Variants in BPTF observed in about 807,000 individuals in gnomAD.
BPTF encodes the protein nucleosome-remodeling factor subunit BPTF.
A neutral mutation model predicts 292.5 loss-of-function variants in BPTF; 18 were observed. The ratio of observed to expected loss-of-function variants is 0.06; its 90% CI spans 0.04 to 0.09. The LOEUF is 0.09. BPTF is among the 10% of genes least tolerant of loss of function. The pLI, the probability that BPTF is intolerant of heterozygous loss-of-function variation, is 1.00. For synonymous variants in BPTF, 1,225 were observed against 1,251.9 expected (o/e 0.98, Z 0.45); for missense variants, 2,726 against 3,498.7 (o/e 0.78, Z 5.57).
Position 67,875,058 on chromosome 17 carries a change from A to G in BPTF, c.1864+38A>G, listed in dbSNP as rs746355413. On this transcript the variant is annotated intron_variant, in intron 4 of 27. Transcript: ENST00000306378. ...CTTGATTAAAAAGAAATATTTCATT[A>G]GTGTTATTTATGAAATCTCCAGTTT... 2.6e-6 allele frequency: 4 copies of G among 1,535,104 alleles called. No homozygotes were observed. In the South Asian group the frequency reaches 4.7e-5, roughly 18 times the overall value.
At chr17:67,932,769 G>A (rs954215608) in intron 18 of BPTF, among the ~76,000 whole-genome samples, 27 of 151,642 alleles carry the variant, frequency 1.8e-4, no homozygotes, top group Admixed American at 1.8e-3. Flanking sequence ...GAGAAATTTA[G>A]CTAAAATCAA....
At chr17:67,860,980 G>A (rs2059042207) in intron 2 of BPTF, among the ~76,000 whole-genome samples, 2 of 152,064 alleles carry the variant, frequency 1.3e-5, no homozygotes, top group African/African-American at 4.8e-5. Flanking sequence ...CTGACTTCCC[G>A]TGCCTGAATT....
chr17:67,891,793 T>C (rs1439266144), intron 4 of BPTF, 51 bp from the exon 5 acceptor site: 1 of 1,406,656 alleles, frequency 7.1e-7, no homozygotes. Flanking sequence ...AAGGTGGTTA[T>C]AATTATTTAC....
At chr17:67,905,423 C>G (rs527780222) in intron 9 of BPTF, among the ~76,000 whole-genome samples, 4 of 151,258 alleles carry the variant, frequency 2.6e-5, no homozygotes, top group Admixed American at 1.3e-4. Flanking sequence ...AAAAAAAATT[C>G]AGGCCAGCCA....
intron 23 of BPTF, among the ~76,000 whole-genome samples, chr17:67,958,428 A>T (rs1181367087): frequency 1.1e-4 from 17 of 152,160 alleles, no homozygotes; most frequent in African/African-American, 1.7e-4. Flanking sequence ...AAAACTTTTT[A>T]AAAAATATAT....
intron 1 of BPTF, among the ~76,000 whole-genome samples, chr17:67,852,181 CGTT>C (rs1028885794): frequency 1.5e-4 from 23 of 152,008 alleles, no homozygotes; most frequent in African/African-American, 2.9e-4. Context: ...AGTATAATGA[CGTT>C]GTATTTATAC....
chr17:67,873,426 C>T (rs1465011915), intron 3 of BPTF, among the ~76,000 whole-genome samples: 1 of 150,798 alleles, frequency 6.6e-6, no homozygotes, highest in Non-Finnish European at 1.5e-5. Flanking sequence ...CCATTACACT[C>T]CTGCCTGGGT....
rs2055936218 is a variant in BPTF at position 67,825,796 on chromosome 17, G to A, written c.72G>A (p.Pro24=). The change falls in exon 1 of 28, where the codon CCG becomes CCA. Residue 24 remains proline, a synonymous_variant. Coordinates refer to ENST00000306378, the MANE Select transcript of BPTF (RefSeq NM_182641.4). ...CTGCGGAGCGCTGCGCCCCGGCCCC[G>A]CCGCCACCGCCGCCGCCGCCCACGT... ...APAAERCAPA[P]PPPPPPPTSG... The A allele has an allele frequency of 2.9e-6, 3 of 1,029,096 alleles. No individual in the cohort carries two copies. The highest frequency in any genetic ancestry group is 3.5e-6 in the Non-Finnish European group (3 of 860,774). The allele number at this position is 1,029,096 out of a possible 1,614,324, so 63.7% of individuals were successfully genotyped here. A position where few individuals can be genotyped will look rare whatever the true frequency, so the allele number is the denominator to read the frequency against.
In BPTF at chr17:67,947,827, CTTG is replaced by C. The variant is rs2065923247; in HGVS notation, c.7700+24_7700+26del. 4 of 1,547,678 alleles carry C rather than the reference CTTG, an allele frequency of 2.6e-6. No individual in the cohort carries two copies. The highest frequency in any genetic ancestry group is 2.0e-5 in the Admixed American group (1 of 50,584). Reference sequence around the variant, plus strand: ...ATCAAAGGTAGGGGAGACGCAGGGTCTTGTTGTCTGTCCGTCTCTTCTCTTTAT... The same window carrying C: ...ATCAAAGGTAGGGGAGACGCAGGGTCTTGTCTGTCCGTCTCTTCTCTTTAT... On this transcript the variant is annotated intron_variant, in intron 22 of 27. Transcript: ENST00000306378.
intron 7 of BPTF, 39 bp from the exon 8 acceptor site, chr17:67,903,750 T>G (rs2062004009): frequency 6.7e-7 from 1 of 1,487,916 alleles, no homozygotes; most frequent in South Asian, 1.4e-5. Context: ...CTGTTTATTT[T>G]TCCAAGTTAA....
At chr17:67,944,755 T>G (rs1227511248) in intron 20 of BPTF, among the ~76,000 whole-genome samples, 2 of 152,200 alleles carry the variant, frequency 1.3e-5, no homozygotes, top group African/African-American at 4.8e-5. Context: ...AGAACCACTT[T>G]GTTGACCTTC....
rs539422407 is a variant in BPTF at position 67,975,581 on chromosome 17, C to G, written c.8540-191C>G. ...AGCAACCCGGATTTATATTTTAGAA[C>G]CTCAATCAGAAACAAAATTGGAAAA... On this transcript the variant is annotated intron_variant, in intron 26 of 27. Coordinates refer to ENST00000306378, the MANE Select transcript of BPTF (RefSeq NM_182641.4). 11 of 503,424 alleles carry G rather than the reference C, an allele frequency of 2.2e-5. No individual in the cohort carries two copies. The South Asian group carries it at 3.5e-4, about 16-fold the overall frequency. The allele number at this position is 503,424 out of a possible 1,614,324, so 31.2% of individuals were successfully genotyped here.
At chr17:67,941,200 C>T (rs2065335921) in intron 19 of BPTF, among the ~76,000 whole-genome samples, 2 of 152,224 alleles carry the variant, frequency 1.3e-5, no homozygotes, top group Non-Finnish European at 2.9e-5. Context: ...CCTGTAATCC[C>T]AGCACTTTGG....
chr17:67,848,583 AC>A (rs1302369255), intron 1 of BPTF, among the ~76,000 whole-genome samples: 1 of 152,012 alleles, frequency 6.6e-6, no homozygotes, highest in Non-Finnish European at 1.5e-5. Flanking sequence ...ATGTAGGCAA[AC>A]TTTTTTTTAA....
rs58462646 is a variant in BPTF, at chr17:67,923,471, CTTTTTTTTTTTTTTTTTT to C, written c.5708+493_5708+510del. On this transcript the variant is annotated intron_variant, in intron 14 of 27. Coordinates refer to ENST00000306378, the MANE Select transcript of BPTF (RefSeq NM_182641.4). ...GTTTAGTAAGGTCCTCTCTCTCTGT[CTTTTTTTTTTTTTTTTTT>C]TTTTTTTTTTTGAAGCAGAGTCTCG... Among the ~76,000 whole-genome samples, 8 of 67,520 alleles carry C rather than the reference CTTTTTTTTTTTTTTTTTT, an allele frequency of 1.2e-4. No homozygotes were observed. In the East Asian group the frequency reaches 3.2e-3, roughly 27 times the overall value. The allele number at this position is 67,520 out of a possible 152,430, so 44.3% of individuals were successfully genotyped here.
Position 67,854,355 on chromosome 17 carries a change from T to G in BPTF, c.1029T>G (p.Val343=), listed in dbSNP as rs1216906473. 9 of 1,614,196 alleles carry G rather than the reference T, an allele frequency of 5.6e-6. No homozygotes were observed. The highest frequency in any genetic ancestry group is 7.6e-6 in the Non-Finnish European group (9 of 1,180,030). ...AGAGTGATAAGGAGTACCATCACGT[T>G]CTTCCTTACCAAGAGGCAGAGGACT... The part of the protein sequence containing the change: ...YCESDKEYHH[V]LPYQEAEDYP... The change falls in exon 2 of 28, where the codon GTT becomes GTG. Residue 343 remains valine (V), a synonymous_variant. Transcript: ENST00000306378. This position sits in a 1 kb window ranked among gnomAD's most constrained non-coding sequence, Gnocchi z 5.6.
At chr17:67,872,236 A>G (rs2059786814) in intron 3 of BPTF, among the ~76,000 whole-genome samples, 1 of 152,214 alleles carries the variant, frequency 6.6e-6, no homozygotes, top group African/African-American at 2.4e-5. Flanking sequence ...ACTATTTGAA[A>G]TTAGAATCTT....
chr17:67,927,687 A>C (rs2064033424), intron 15 of BPTF, among the ~76,000 whole-genome samples: 1 of 152,142 alleles, frequency 6.6e-6, no homozygotes, highest in Non-Finnish European at 1.5e-5. Flanking sequence ...GCTTACCCAC[A>C]TCTCTGTTGT....
intron 2 of BPTF, among the ~76,000 whole-genome samples, chr17:67,864,235 CA>C (rs2059257501): frequency 6.6e-6 from 1 of 152,044 alleles, no homozygotes; most frequent in Non-Finnish European, 1.5e-5. Flanking sequence ...TATAAAAAAA[CA>C]ACTTTTCAGC....
Sources: allele counts gnomAD v4.1 joint callset (sites outside exome capture counted in the v4.1 genomes callset), GRCh38; gene constraint gnomAD v4.1.1; non-coding constraint Gnocchi (gnomAD v3.1); transcripts MANE v1.5; gene names NCBI Gene and HGNC (gene_info 2026-07-23, HGNC 2026-07-21).